The following SLIT2 variants were observed in gnomAD, a reference collection of about 807,000 sequenced individuals.
The protein encoded by SLIT2 is slit guidance ligand 2.
Under a neutral mutation model 185.7 loss-of-function variants are expected in SLIT2, and 41 were observed. That is an observed-to-expected ratio of 0.22 (90% confidence interval 0.17 to 0.29). The LOEUF (loss-of-function observed/expected upper bound fraction) is 0.29, where lower values mean the gene tolerates loss of function less well. SLIT2 is among the 10% of genes least tolerant of loss of function. The pLI is 1.00. For synonymous variants in SLIT2, 693 were observed against 680.2 expected (o/e 1.02, Z -0.29); for missense variants, 1,571 against 1,909.0 (o/e 0.82, Z 3.30).
At chr4:20,325,428 T>C (rs920956676) in intron 4 of SLIT2, among the ~76,000 whole-genome samples, 1 of 33,544 alleles carries the variant, frequency 3.0e-5, no homozygotes. Flanking sequence ...GGGTGGGGGG[T>C]GGGAATAATC....
intron 4 of SLIT2, among the ~76,000 whole-genome samples, chr4:20,446,384 T>C (rs1313040090): frequency 6.6e-6 from 1 of 152,180 alleles, no homozygotes; most frequent in African/African-American, 2.4e-5. Flanking sequence ...GGGGAGTAAG[T>C]CTGAGAAATC....
chr4:20,459,041 C>T (rs912463880), intron 4 of SLIT2, among the ~76,000 whole-genome samples: 4 of 151,606 alleles, frequency 2.6e-5, no homozygotes, highest in African/African-American at 9.7e-5. Flanking sequence ...AGGATCAAGA[C>T]ATATTAGAGA....
chr4:20,548,558 T>C lies in SLIT2; in HGVS notation c.2416T>C (p.Leu806=), dbSNP rs1723455477. 1 of 1,587,932 alleles carries C rather than the reference T, an allele frequency of 6.3e-7. No individual in the cohort carries two copies. Among genetic ancestry groups the C allele is most frequent in the Non-Finnish European group, 8.6e-7 (1 of 1,156,516 alleles). ...CAGCAACATGACCCAGCTCCTCACC[T>C]TGTGAGTGTGAAAGTGTGGTACTGA... The part of the protein sequence containing the change: ...SFSNMTQLLT[L]ILSYNRLRCI... The change falls in exon 23 of 37, where the codon TTA becomes CTA. Residue 806 remains leucine, a splice_region_variant and synonymous_variant. Transcript: ENST00000504154.
chr4:20,295,204 G>A (rs192050261), intron 4 of SLIT2, among the ~76,000 whole-genome samples: 17 of 152,186 alleles, frequency 1.1e-4, no homozygotes, highest in Non-Finnish European at 2.2e-4. Flanking sequence ...TTTTAATAGT[G>A]AATCTGATAC....
At chr4:20,554,158 A>G in intron 26 of SLIT2, 190 bp downstream of exon 26, 1 of 601,612 alleles carries the variant, frequency 1.7e-6, no homozygotes, top group East Asian at 2.8e-5. Flanking sequence ...TTTCAAATAA[A>G]TCTCAGAAAT....
intron 7 of SLIT2, among the ~76,000 whole-genome samples, chr4:20,487,042 A>T (rs1717310227): frequency 6.6e-6 from 1 of 152,070 alleles, no homozygotes; most frequent in South Asian, 2.1e-4. Flanking sequence ...TTTTGATTAG[A>T]TTTTCAAAAT....
intron 4 of SLIT2, among the ~76,000 whole-genome samples, chr4:20,400,997 G>A (rs1437557736): frequency 1.3e-5 from 2 of 151,774 alleles, no homozygotes; most frequent in Non-Finnish European, 2.9e-5. Context: ...GAGCTACTTA[G>A]GGCACATGTA....
chr4:20,570,735 A>ATATATATATATG (rs1216617839), intron 29 of SLIT2, among the ~76,000 whole-genome samples: 4 of 19,812 alleles, frequency 2.0e-4, no homozygotes, highest in Non-Finnish European at 2.7e-4. Context: ...ATATATGTAT[A>ATATATATATATG]TATATATATA....
intron 29 of SLIT2, among the ~76,000 whole-genome samples, chr4:20,576,578 A>G (rs149751569): frequency 1.3e-5 from 2 of 152,276 alleles, no homozygotes; most frequent in South Asian, 2.1e-4. Flanking sequence ...CAAGGTCGTT[A>G]TAGTTGCGGA....
intron 29 of SLIT2, among the ~76,000 whole-genome samples, chr4:20,575,555 C>G (rs780374022): frequency 5.9e-5 from 9 of 152,120 alleles, no homozygotes; most frequent in Non-Finnish European, 1.2e-4. Context: ...TCATTGGCCC[C>G]AAAGCATGCA....
chr4:20,403,965 G>T (rs1344794767), intron 4 of SLIT2, among the ~76,000 whole-genome samples: 1 of 151,292 alleles, frequency 6.6e-6, no homozygotes, highest in Non-Finnish European at 1.5e-5. Context: ...TCATTGGGCC[G>T]CATACAAACA....
chr4:20,273,920 C>G (rs1236729805), intron 4 of SLIT2, among the ~76,000 whole-genome samples: 2 of 152,266 alleles, frequency 1.3e-5, no homozygotes, highest in East Asian at 3.9e-4. Context: ...CACAATAAAT[C>G]CGACTGTGAT....
At chr4:20,267,124 A>G (rs1471971438) in intron 3 of SLIT2, among the ~76,000 whole-genome samples, 3 of 151,982 alleles carry the variant, frequency 2.0e-5, no homozygotes, top group Admixed American at 1.3e-4. Context: ...TATGTGTAAT[A>G]TATTTTTAGA....
In SLIT2 at chr4:20,581,302, G is replaced by A. The variant is rs1383043793; in HGVS notation, c.3089-8342G>A. Among the ~76,000 whole-genome samples, 4 of 152,068 alleles carry A rather than the reference G, an allele frequency of 2.6e-5. No individual in the cohort carries two copies. In the East Asian group the frequency reaches 7.7e-4, roughly 29 times the overall value. On this transcript the variant is annotated intron_variant, in intron 29 of 36. Transcript: ENST00000504154. Reference sequence around the variant, plus strand: ...ATAACACAAGCCATATTGGATTAGGGCCTATCCTAATGACTTTATTTTAAC... The same window carrying A: ...ATAACACAAGCCATATTGGATTAGGACCTATCCTAATGACTTTATTTTAAC...
chr4:20,485,800 C>T (rs532938688), intron 6 of SLIT2, among the ~76,000 whole-genome samples: 4 of 152,114 alleles, frequency 2.6e-5, no homozygotes, highest in Admixed American at 1.3e-4. Context: ...AATTCAAATA[C>T]GTTCATTGAC....
At chr4:20,341,667 C>T (rs929002514) in intron 4 of SLIT2, among the ~76,000 whole-genome samples, 3 of 152,094 alleles carry the variant, frequency 2.0e-5, no homozygotes, top group Non-Finnish European at 4.4e-5. Context: ...ATCCTGCCCT[C>T]CTAAAACTGT....
rs1577766405 is a variant in SLIT2 at position 20,488,800 on chromosome 4, T to G, written c.612-19T>G. On this transcript the variant is annotated intron_variant, in intron 7 of 36. Coordinates refer to ENST00000504154, the MANE Select transcript of SLIT2 (RefSeq NM_004787.4). The stretch of plus-strand genomic sequence containing the variant: ...GACTTTCTGTTTTCTTGCTTTACAC[T>G]TCTTTTTTTCTCATTTAGTCGACTG... 2 of 1,556,064 alleles carry G rather than the reference T, an allele frequency of 1.3e-6. No homozygotes were observed. The highest frequency in any genetic ancestry group is 2.3e-5 in the East Asian group (1 of 43,824).
chr4:20,440,669 C>G (rs1729678217), intron 4 of SLIT2, among the ~76,000 whole-genome samples: 1 of 152,108 alleles, frequency 6.6e-6, no homozygotes, highest in African/African-American at 2.4e-5. Flanking sequence ...TTGAAGTTGC[C>G]ATTTTCTCAG....
intron 6 of SLIT2, among the ~76,000 whole-genome samples, chr4:20,481,296 T>A (rs1716676478): frequency 6.6e-6 from 1 of 152,144 alleles, no homozygotes; most frequent in Non-Finnish European, 1.5e-5. Flanking sequence ...CCACTGACTT[T>A]GTAATGTACA....
Sources: allele counts gnomAD v4.1 joint callset (sites outside exome capture counted in the v4.1 genomes callset), GRCh38; gene constraint gnomAD v4.1.1; transcripts MANE v1.5; gene names NCBI Gene and HGNC (gene_info 2026-07-23, HGNC 2026-07-21).